Variants in PTGER3 observed in about 807,000 individuals in gnomAD.
PTGER3 encodes prostaglandin E2 receptor EP3 subtype.
In PTGER3, 22 loss-of-function variants were observed where a neutral mutation model predicts 34.7. That is an observed-to-expected ratio of 0.63 (90% CI 0.45 to 0.91). The LOEUF is 0.91. Among genes scored for constraint, PTGER3 ranks in the 40% least tolerant of loss-of-function variants. The pLI is 0.00. For missense variants in PTGER3, 468 were observed against 519.4 expected, an observed-to-expected ratio of 0.90 and a Z score of 0.96; for synonymous variants, 241 against 230.1, an observed-to-expected ratio of 1.05 and a Z score of -0.43.
chr1:70,966,938 G>A (rs624709), downstream of PTGER3, among the ~76,000 whole-genome samples: 91,284 of 151,898 alleles, frequency 0.6, 28,011 homozygotes, highest in East Asian at 0.72. Context: ...ATAGTAGAAT[G>A]ATTTCTATTT....
intron 4 of PTGER3, among the ~76,000 whole-genome samples, chr1:70,866,964 G>A (rs1646055768): frequency 6.6e-6 from 1 of 152,210 alleles, no homozygotes; most frequent in Admixed American, 6.5e-5. Context: ...CATCAGAGGT[G>A]TGTCTAAGAA....
At chr1:71,001,156 A>G (rs1327248958) in intron 2 of PTGER3, among the ~76,000 whole-genome samples, 1 of 152,122 alleles carries the variant, frequency 6.6e-6, no homozygotes, top group Non-Finnish European at 1.5e-5. Flanking sequence ...TTGACTTTTT[A>G]AAGAGATGCA....
chr1:70,969,589 T>C (rs944642169), downstream of PTGER3, among the ~76,000 whole-genome samples: 1 of 152,150 alleles, frequency 6.6e-6, no homozygotes, highest in Non-Finnish European at 1.5e-5. Flanking sequence ...ACTTCAAAGT[T>C]GCAGACAGAG....
rs904310604 is a variant in PTGER3 at position 70,868,614 on chromosome 1, C to T, written c.*24-15755G>A. 3.9e-5 allele frequency among the ~76,000 whole-genome samples: 6 copies of T among 152,234 alleles called. No individual in the cohort carries two copies. In the South Asian group the frequency reaches 1.2e-3, roughly 32 times the overall value. Reference sequence around the variant, plus strand: ...AAGCCTTATCTCCAGAGAGGCAGGACTGTCTGAGTGAAACGAAACTCTTCG... The same window carrying T: ...AAGCCTTATCTCCAGAGAGGCAGGATTGTCTGAGTGAAACGAAACTCTTCG... On this transcript the variant is annotated intron_variant, in intron 4 of 4. Coordinates refer to the PTGER3 transcript ENST00000370931.
At chr1:70,885,136 T>C (rs1449331804) in intron 4 of PTGER3, among the ~76,000 whole-genome samples, 1 of 151,888 alleles carries the variant, frequency 6.6e-6, no homozygotes, top group Non-Finnish European at 1.5e-5. Context: ...GAATAAGTTT[T>C]TGAGTTTTGA....
At chr1:70,994,994 G>A (rs1050346206) in intron 2 of PTGER3, among the ~76,000 whole-genome samples, 1 of 152,122 alleles carries the variant, frequency 6.6e-6, no homozygotes, top group Non-Finnish European at 1.5e-5. Context: ...TAACCATCCA[G>A]TGGGGGAGCT....
intron 4 of PTGER3, among the ~76,000 whole-genome samples, chr1:70,887,452 T>C (rs6683228): frequency 0.05 from 7,572 of 152,240 alleles, 449 homozygotes; most frequent in East Asian, 0.22. Context: ...TTTGTCCTGT[T>C]GGTAACATTC....
intron 1 of PTGER3, among the ~76,000 whole-genome samples, chr1:71,019,410 G>T (rs573657380): frequency 6.6e-6 from 1 of 152,086 alleles, no homozygotes; most frequent in Non-Finnish European, 1.5e-5. Flanking sequence ...CCTTCCCTGG[G>T]TTCCACGTGA....
chr1:70,975,434 A>T lies in PTGER3; in HGVS notation c.1078-1046T>A, dbSNP rs564489124. 1.9e-3 allele frequency among the ~76,000 whole-genome samples: 287 copies of T among 152,278 alleles called. 6 individuals are homozygous for T. The highest frequency in any genetic ancestry group is 2.4e-3 in the Non-Finnish European group (165 of 68,010). On this transcript the variant is annotated intron_variant, in intron 2 of 3. Transcript: ENST00000306666. ...ACAATAAAATGAATTCCTCATAAAA[A>T]TTTGTTACAAGAGAAAGGAGAAAGA...
intron 1 of PTGER3, among the ~76,000 whole-genome samples, chr1:71,042,041 C>T (rs1573010583): frequency 6.6e-6 from 1 of 152,166 alleles, no homozygotes; most frequent in South Asian, 2.1e-4. Flanking sequence ...TTGACCTTCA[C>T]AGCTTGTTCA....
At chr1:70,858,979 G>A (rs998822965) in intron 4 of PTGER3, among the ~76,000 whole-genome samples, 1 of 152,220 alleles carries the variant, frequency 6.6e-6, no homozygotes, top group African/African-American at 2.4e-5. Context: ...TCAATAAGGT[G>A]TTAGGTATCA....
chr1:71,031,830 G>C (rs1659439847), intron 1 of PTGER3, among the ~76,000 whole-genome samples: 1 of 152,188 alleles, frequency 6.6e-6, no homozygotes, highest in Non-Finnish European at 1.5e-5. Flanking sequence ...GAGGAGGGTA[G>C]AATTCTGAAG....
intron 4 of PTGER3, among the ~76,000 whole-genome samples, chr1:70,945,628 T>C (rs1475797915): frequency 6.6e-6 from 1 of 152,104 alleles, no homozygotes; most frequent in East Asian, 1.9e-4. Flanking sequence ...ATTTGCTTCA[T>C]GTCAAGTTAA....
intron 4 of PTGER3, among the ~76,000 whole-genome samples, chr1:70,887,996 C>T (rs1436651732): frequency 6.6e-6 from 1 of 152,194 alleles, no homozygotes; most frequent in African/African-American, 2.4e-5. Flanking sequence ...GAAGCAATAA[C>T]ACTGTTTCTG....
intron 2 of PTGER3, among the ~76,000 whole-genome samples, chr1:70,998,948 G>A (rs1367493491): frequency 6.6e-6 from 1 of 152,130 alleles, no homozygotes; most frequent in Non-Finnish European, 1.5e-5. Context: ...TCAGGAGGCC[G>A]AGGAGGGCGG....
chr1:70,928,693 G>T (rs941678600), intron 4 of PTGER3, among the ~76,000 whole-genome samples: 3 of 151,994 alleles, frequency 2.0e-5, no homozygotes, highest in Non-Finnish European at 4.4e-5. Context: ...CTTGGGAAAA[G>T]GAATTGGAAA....
intron 1 of PTGER3, among the ~76,000 whole-genome samples, chr1:71,021,808 G>A (rs2300173): frequency 0.33 from 50,440 of 151,434 alleles, 9,228 homozygotes; most frequent in South Asian, 0.45. Context: ...AAAATAGAAA[G>A]TTAGAAAAAC....
At chr1:71,009,998 C>A (rs1330486030) in intron 2 of PTGER3, 10 of 984,896 alleles carry the variant, frequency 1.0e-5, no homozygotes, top group African/African-American at 1.7e-5. Flanking sequence ...ACTCATATGC[C>A]ATTTACATAA....
At chr1:70,969,051 A>G (rs1652822843), downstream of PTGER3, among the ~76,000 whole-genome samples, 1 of 152,032 alleles carries the variant, frequency 6.6e-6, no homozygotes, top group Admixed American at 6.5e-5. Flanking sequence ...TACTAAAAGT[A>G]CAAAAATTAG....
Sources: allele counts gnomAD v4.1 joint callset (sites outside exome capture counted in the v4.1 genomes callset), GRCh38; gene constraint gnomAD v4.1.1; transcripts MANE v1.5; gene names NCBI Gene and HGNC (gene_info 2026-07-23, HGNC 2026-07-21).